CNTNAP2: variants seen among roughly 807,000 people sequenced by gnomAD.
CNTNAP2 encodes contactin-associated protein-like 2.
Under a neutral mutation model 155.2 loss-of-function variants are expected in CNTNAP2, and 98 were observed. That is an observed-to-expected ratio of 0.63 (90% CI 0.54 to 0.75). The LOEUF is 0.75. Ranked by LOEUF, CNTNAP2 falls within the 30% of genes least tolerant of loss-of-function variation. The pLI is 0.00. For synonymous variants in CNTNAP2, 651 were observed against 631.2 expected, an observed-to-expected ratio of 1.03 and a Z score of -0.47; for missense variants, 1,727 against 1,688.1, an observed-to-expected ratio of 1.02 and a Z score of -0.40.
At chr7:146,208,440 G>C (rs2116879430) in intron 1 of CNTNAP2, among the ~76,000 whole-genome samples, 1 of 151,910 alleles carries the variant, frequency 6.6e-6, no homozygotes, top group Middle Eastern at 3.4e-3. Flanking sequence ...AGTGTTGCTT[G>C]TTCCAATGAC....
At chr7:146,410,718 AC>A (rs1795853551) in intron 1 of CNTNAP2, among the ~76,000 whole-genome samples, 1 of 152,112 alleles carries the variant, frequency 6.6e-6, no homozygotes. Context: ...CTCATAAGAT[AC>A]TAATTTTTAT....
chr7:147,839,365 T>C (rs913472805), intron 13 of CNTNAP2, among the ~76,000 whole-genome samples: 2 of 152,204 alleles, frequency 1.3e-5, no homozygotes, highest in African/African-American at 4.8e-5. Flanking sequence ...AAAGATTGTA[T>C]TTTAAAATAT....
At chr7:147,506,145 G>A (rs749751757) in intron 11 of CNTNAP2, among the ~76,000 whole-genome samples, 2 of 152,146 alleles carry the variant, frequency 1.3e-5, no homozygotes, top group Non-Finnish European at 2.9e-5. Context: ...ACAGAGGAAG[G>A]CATGGCCAGG....
chr7:148,110,008 C>A (rs1363800526), intron 15 of CNTNAP2, among the ~76,000 whole-genome samples: 1 of 151,642 alleles, frequency 6.6e-6, no homozygotes, highest in Non-Finnish European at 1.5e-5. Flanking sequence ...TTTCTTCAGA[C>A]CCCCAATGAA....
intron 3 of CNTNAP2, among the ~76,000 whole-genome samples, chr7:146,991,967 C>T (rs192947134): frequency 9.3e-4 from 142 of 152,160 alleles, no homozygotes; most frequent in Non-Finnish European, 1.2e-3. Context: ...ATATTTGTCC[C>T]TTTACTCACT....
chr7:147,593,344 A>G (rs1451893681), intron 12 of CNTNAP2, among the ~76,000 whole-genome samples: 1 of 150,924 alleles, frequency 6.6e-6, no homozygotes, highest in Non-Finnish European at 1.5e-5. Flanking sequence ...TTTAAAGCCC[A>G]GATAAGCCAA....
chr7:148,189,695 G>A (rs1010691538), intron 18 of CNTNAP2, among the ~76,000 whole-genome samples: 3 of 152,088 alleles, frequency 2.0e-5, no homozygotes, highest in African/African-American at 4.8e-5. Context: ...AATTATCTGC[G>A]GTATTCTATT....
In CNTNAP2 at chr7:147,694,709, C is replaced by A. The variant is rs540825143; in HGVS notation, c.2098+55403C>A. On this transcript the variant is annotated intron_variant, in intron 13 of 23. Coordinates refer to ENST00000361727, the MANE Select transcript of CNTNAP2 (RefSeq NM_014141.6). ...TCATTTCTGCTAGTAGTAGTTGATGCCTTCTCTCTCCTTTTTTGTCAGTTA... is the reference window on the plus strand; with the variant it reads ...TCATTTCTGCTAGTAGTAGTTGATGACTTCTCTCTCCTTTTTTGTCAGTTA... Among the ~76,000 whole-genome samples the A allele has an allele frequency of 2.2e-4, 33 of 152,124 alleles. No individual in the cohort carries two copies. In the South Asian group the frequency reaches 6.6e-3, roughly 31 times the overall value.
At chr7:146,422,345 A>G (rs931340523) in intron 1 of CNTNAP2, among the ~76,000 whole-genome samples, 1 of 147,372 alleles carries the variant, frequency 6.8e-6, no homozygotes, top group Non-Finnish European at 1.5e-5. Flanking sequence ...ACATATATGT[A>G]TGTGTATATA....
chr7:147,757,646 T>G (rs1797231492), intron 13 of CNTNAP2, among the ~76,000 whole-genome samples: 1 of 152,168 alleles, frequency 6.6e-6, no homozygotes, highest in Admixed American at 6.5e-5. Flanking sequence ...AATTTAAATT[T>G]TCTACTCTTA....
intron 3 of CNTNAP2, among the ~76,000 whole-genome samples, chr7:146,843,187 T>G (rs1332132128): frequency 7.5e-6 from 1 of 134,090 alleles, no homozygotes; most frequent in Non-Finnish European, 1.5e-5. Context: ...TAATTTTTTG[T>G]ATTTTTAGTA....
chr7:147,184,755 G>A (rs1334369214), intron 8 of CNTNAP2, among the ~76,000 whole-genome samples: 1 of 152,114 alleles, frequency 6.6e-6, no homozygotes, highest in Non-Finnish European at 1.5e-5. Flanking sequence ...TGGGAGGAAA[G>A]AAAAGAAGGG....
intron 1 of CNTNAP2, among the ~76,000 whole-genome samples, chr7:146,592,342 C>G (rs1798795729): frequency 6.6e-6 from 1 of 152,138 alleles, no homozygotes; most frequent in Admixed American, 6.6e-5. Context: ...GGAAGTGTCC[C>G]CTTTAGATAT....
At chr7:146,445,712 A>G (rs945946523) in intron 1 of CNTNAP2, among the ~76,000 whole-genome samples, 1 of 152,160 alleles carries the variant, frequency 6.6e-6, no homozygotes, top group African/African-American at 2.4e-5. Flanking sequence ...TCTGTATCAA[A>G]TAAAGATAGC....
At chr7:146,431,506 A>G (rs1029236872) in intron 1 of CNTNAP2, among the ~76,000 whole-genome samples, 2 of 152,040 alleles carry the variant, frequency 1.3e-5, no homozygotes, top group African/African-American at 2.4e-5. Context: ...TATGATTTCT[A>G]TGTTTATGAC....
intron 1 of CNTNAP2, among the ~76,000 whole-genome samples, chr7:146,660,234 T>A (rs938053508): frequency 9.2e-5 from 14 of 152,200 alleles, no homozygotes. Context: ...CTAAGCAGTA[T>A]GTCGATGATA....
chr7:146,875,934 C>CAAAAAAAAAAAAAAAAAAAA (rs56304234), intron 3 of CNTNAP2, among the ~76,000 whole-genome samples: 8 of 55,134 alleles, frequency 1.5e-4, no homozygotes, highest in East Asian at 1.0e-3. Flanking sequence ...ACATACACAG[C>CAAAAAAAAAAAAAAAAAAAA]AAAAAAAAAA....
At chr7:148,337,237 C>G (rs1335907191) in intron 21 of CNTNAP2, among the ~76,000 whole-genome samples, 1 of 152,022 alleles carries the variant, frequency 6.6e-6, no homozygotes, top group Non-Finnish European at 1.5e-5. Flanking sequence ...CTCCCTGAGT[C>G]TGTGAGAGGC....
At chr7:147,006,893 TA>T (rs1798535800) in intron 3 of CNTNAP2, among the ~76,000 whole-genome samples, 1 of 151,980 alleles carries the variant, frequency 6.6e-6, no homozygotes, top group African/African-American at 2.4e-5. Flanking sequence ...AATGTTTATT[TA>T]AAGGAAAAAG....
Sources: allele counts gnomAD v4.1 joint callset (sites outside exome capture counted in the v4.1 genomes callset), GRCh38; gene constraint gnomAD v4.1.1; transcripts MANE v1.5; gene names NCBI Gene and HGNC (gene_info 2026-07-23, HGNC 2026-07-21).